Variants in TLE4 observed in about 807,000 individuals in gnomAD.
TLE4 encodes TLE family member 4, transcriptional corepressor, also known as transducin-like enhancer protein 4.
Under a neutral mutation model 92.8 loss-of-function variants are expected in TLE4, and 8 were observed. The ratio of observed to expected loss-of-function variants is 0.09; its 90% CI spans 0.05 to 0.16. The LOEUF is 0.16. Among genes scored for constraint, TLE4 ranks in the 10% least tolerant of loss-of-function variants. The probability of loss-of-function intolerance (pLI) is 1.00; values close to 1 mark genes in which losing one functional copy is unlikely to be tolerated. For synonymous variants in TLE4, 371 were observed against 374.1 expected (o/e 0.99, Z 0.10); for missense variants, 675 against 997.6 (o/e 0.68, Z 4.36).
rs181092173 is a variant in TLE4 at position 79,685,830 on chromosome 9, T to C, written c.610-18953T>C. ...AAATGTCTTGAGTTTGCTTATTACTTACCCAGAAGGTATTTTCACGTCAGA... is the reference window on the plus strand; with the variant it reads ...AAATGTCTTGAGTTTGCTTATTACTCACCCAGAAGGTATTTTCACGTCAGA... On this transcript the variant is annotated intron_variant, in intron 8 of 19. Coordinates refer to ENST00000376552, the MANE Select transcript of TLE4 (RefSeq NM_007005.6). Among the ~76,000 whole-genome samples the C allele has an allele frequency of 5.6e-4, 85 of 152,290 alleles. 1 individual carries two copies. The highest frequency in any genetic ancestry group is 1.9e-3 in the African/African-American group (80 of 41,558).
At chr9:79,640,976 C>A (rs1188226753) in intron 6 of TLE4, among the ~76,000 whole-genome samples, 2 of 151,832 alleles carry the variant, frequency 1.3e-5, no homozygotes, top group South Asian at 4.1e-4. Flanking sequence ...TCAGAATGGA[C>A]AAGCAGATCA....
chr9:79,687,276 A>G (rs2066072780), intron 8 of TLE4, among the ~76,000 whole-genome samples: 1 of 152,138 alleles, frequency 6.6e-6, no homozygotes, highest in Admixed American at 6.5e-5. Context: ...TACAAGTTAT[A>G]CAGAAGCGCA....
chr9:79,700,538 T>A (rs1198762151), intron 8 of TLE4, among the ~76,000 whole-genome samples: 1 of 152,204 alleles, frequency 6.6e-6, no homozygotes, highest in Non-Finnish European at 1.5e-5. Flanking sequence ...GGAACTAGAA[T>A]CTTCTCATAG....
At chr9:79,676,712 G>A (rs10867410) in intron 8 of TLE4, among the ~76,000 whole-genome samples, 134,824 of 152,202 alleles carry the variant, frequency 0.89, 59,715 homozygotes, top group Admixed American at 0.9. Flanking sequence ...TATGACGTCT[G>A]TTCTCTCTGA....
At chr9:79,637,692 C>G (rs2056241384) in intron 6 of TLE4, among the ~76,000 whole-genome samples, 1 of 152,174 alleles carries the variant, frequency 6.6e-6, no homozygotes, top group Non-Finnish European at 1.5e-5. Flanking sequence ...TCTGTTGTAT[C>G]TTACTCTTAT....
chr9:79,715,009 A>C (rs902841440), intron 14 of TLE4, among the ~76,000 whole-genome samples: 1 of 152,208 alleles, frequency 6.6e-6, no homozygotes. Context: ...TAGCAAACAG[A>C]GGGCCACATT....
chr9:79,725,081 C>G lies in TLE4; in HGVS notation c.2259C>G (p.Asp753Glu). ...TGCTTAGCTGTGACATCTCCGTGGACGACAAATACATTGTCACTGGCTCTG... is the reference window on the plus strand; with the variant it reads ...TGCTTAGCTGTGACATCTCCGTGGAGGACAAATACATTGTCACTGGCTCTG... ...SSVLSCDISV[D>E]DKYIVTGSGD... Residue 753 changes from aspartate (D) to glutamate (E), a missense_variant, in exon 20 of 20, where the codon GAC (aspartate) becomes GAG (glutamate). By Grantham distance (45) the Asp-to-Glu change is conservative. Transcript: ENST00000376552. 1.9e-6 allele frequency: 3 copies of G among 1,613,832 alleles called. No homozygotes were observed. Among genetic ancestry groups the G allele is most frequent in the Non-Finnish European group, 2.5e-6 (3 of 1,179,890 alleles).
chr9:79,678,434 A>C lies in TLE4; in HGVS notation c.609+24359A>C, dbSNP rs1203910568. 2.0e-5 allele frequency among the ~76,000 whole-genome samples: 3 copies of C among 152,202 alleles called. No homozygotes were observed. The East Asian group carries it at 5.8e-4, about 29-fold the overall frequency. Reference sequence around the variant, plus strand: ...TTCATCTTTTTTTTTAAATCAGAGAAAAATAATGAATTTATTCTATCAATA... The same window carrying C: ...TTCATCTTTTTTTTTAAATCAGAGACAAATAATGAATTTATTCTATCAATA... On this transcript the variant is annotated intron_variant, in intron 8 of 19. Coordinates refer to ENST00000376552, the MANE Select transcript of TLE4 (RefSeq NM_007005.6).
intron 8 of TLE4, among the ~76,000 whole-genome samples, chr9:79,685,088 C>A (rs1324837645): frequency 6.6e-6 from 1 of 152,156 alleles, no homozygotes; most frequent in African/African-American, 2.4e-5. Context: ...GCCTTACCAT[C>A]TGACTGCTTC....
chr9:79,579,852 G>A (rs146119612), intron 4 of TLE4, among the ~76,000 whole-genome samples: 1 of 152,234 alleles, frequency 6.6e-6, no homozygotes, highest in East Asian at 1.9e-4. Context: ...TAGCCTCTTT[G>A]GTCGATGGTA....
intron 14 of TLE4, among the ~76,000 whole-genome samples, chr9:79,714,110 C>T (rs1167123896): frequency 1.3e-5 from 2 of 152,142 alleles, no homozygotes; most frequent in Admixed American, 6.5e-5. Flanking sequence ...CCATTCCCCT[C>T]GGCCTCCCAA....
At chr9:79,635,588 T>C (rs76550641) in intron 6 of TLE4, among the ~76,000 whole-genome samples, 64 of 151,872 alleles carry the variant, frequency 4.2e-4, no homozygotes, top group South Asian at 8.3e-4. Flanking sequence ...TTTTTTTTTT[T>C]CCCACAAGGA....
rs535904870 is a variant in TLE4, at chr9:79,628,980, T to C, written c.390+1532T>C. On this transcript the variant is annotated intron_variant, in intron 6 of 19. Coordinates refer to ENST00000376552, the MANE Select transcript of TLE4 (RefSeq NM_007005.6). ...CAGGTGTTGTATTCACTGTGGATAT[T>C]TTTGTTACCAAATCTTCCAGGGGTC... Among the ~76,000 whole-genome samples the C allele has an allele frequency of 4.6e-5, 7 of 152,112 alleles. No homozygotes were observed. In the South Asian group the frequency reaches 1.2e-3, roughly 27 times the overall value.
At chr9:79,709,556 T>G in intron 13 of TLE4, 67 bp from the exon 14 acceptor site, 6 of 1,399,692 alleles carry the variant, frequency 4.3e-6, no homozygotes, top group Non-Finnish European at 6.0e-6. Flanking sequence ...GAATAGATTT[T>G]GAGAAGGATA....
intron 4 of TLE4, among the ~76,000 whole-genome samples, chr9:79,592,162 T>C (rs1463279063): frequency 6.8e-6 from 1 of 146,550 alleles, no homozygotes; most frequent in East Asian, 2.0e-4. Flanking sequence ...CTTCTTCTTC[T>C]TCTTCTTCCT....
At chr9:79,620,063 G>A (rs538177070) in intron 5 of TLE4, among the ~76,000 whole-genome samples, 9 of 152,246 alleles carry the variant, frequency 5.9e-5, no homozygotes, top group African/African-American at 2.2e-4. Context: ...TTTTCCTGTG[G>A]TTTAAATGTG....
At chr9:79,654,599 C>T (rs2059506333) in intron 8 of TLE4, among the ~76,000 whole-genome samples, 1 of 151,082 alleles carries the variant, frequency 6.6e-6, no homozygotes, top group Non-Finnish European at 1.5e-5. Flanking sequence ...TCTGGTATAA[C>T]AAGTTAATTC....
intron 8 of TLE4, among the ~76,000 whole-genome samples, chr9:79,688,715 G>C (rs902611650): frequency 2.6e-5 from 4 of 151,586 alleles, no homozygotes; most frequent in African/African-American, 9.7e-5. Context: ...AAACATCAAA[G>C]CCTCGATGTT....
rs546321360 is a variant in TLE4 at position 79,573,607 on chromosome 9, T to A, written c.46-82T>A. The A allele has an allele frequency of 9.1e-6, 11 of 1,206,042 alleles. No homozygotes were observed. In the Admixed American group the frequency reaches 1.3e-4, roughly 15 times the overall value. 74.7% of individuals were successfully genotyped at this position (1,206,042 alleles called of 1,614,324 possible). ...GTGCGCGATGACCCTCACCCCCCGCTAACGCCGCATAGTAGGTTTTCTCCG... is the reference window on the plus strand; with the variant it reads ...GTGCGCGATGACCCTCACCCCCCGCAAACGCCGCATAGTAGGTTTTCTCCG... On this transcript the variant is annotated intron_variant, in intron 1 of 19. Transcript: ENST00000376552.
Sources: allele counts gnomAD v4.1 joint callset (sites outside exome capture counted in the v4.1 genomes callset), GRCh38; gene constraint gnomAD v4.1.1; transcripts MANE v1.5; gene names NCBI Gene and HGNC (gene_info 2026-07-23, HGNC 2026-07-21).